PLPPR1: variants seen among roughly 807,000 people sequenced by gnomAD.
PLPPR1 encodes the protein phospholipid phosphatase related 1.
PLPPR1 carries 10 observed loss-of-function variants against 33.1 expected under a neutral mutation model. The ratio of observed to expected loss-of-function variants is 0.30; its 90% CI spans 0.19 to 0.51. PLPPR1 has a LOEUF of 0.51. Ranked by LOEUF, PLPPR1 falls within the 20% of genes least tolerant of loss-of-function variation. The pLI is 0.97. For missense variants in PLPPR1, 304 were observed against 408.1 expected (o/e 0.74, Z 2.20); for synonymous variants, 151 against 151.0 (o/e 1.00, Z 0.00).
intron 3 of PLPPR1, among the ~76,000 whole-genome samples, chr9:101,276,365 T>A (rs1828196814): frequency 1.3e-5 from 2 of 152,174 alleles, no homozygotes; most frequent in Admixed American, 6.5e-5. Flanking sequence ...ATTTTCTCAT[T>A]TTCTGTCCAT....
At chr9:101,189,964 T>G (rs958665135) in intron 2 of PLPPR1, among the ~76,000 whole-genome samples, 1 of 152,120 alleles carries the variant, frequency 6.6e-6, no homozygotes, top group African/African-American at 2.4e-5. Flanking sequence ...ATATTTGTGG[T>G]TTTTGTTTAG....
At chr9:101,259,671 G>A (rs1253317384) in intron 2 of PLPPR1, among the ~76,000 whole-genome samples, 1 of 152,122 alleles carries the variant, frequency 6.6e-6, no homozygotes, top group Non-Finnish European at 1.5e-5. Context: ...TGTGCCCTAG[G>A]TGGTCAGGAC....
intron 1 of PLPPR1, among the ~76,000 whole-genome samples, chr9:101,058,277 T>C (rs1830302444): frequency 6.6e-6 from 1 of 150,886 alleles, no homozygotes; most frequent in Non-Finnish European, 1.5e-5. Flanking sequence ...ACAAGTACCA[T>C]GTGATGATGA....
At chr9:101,252,945 C>T (rs1225045430) in intron 2 of PLPPR1, among the ~76,000 whole-genome samples, 1 of 151,870 alleles carries the variant, frequency 6.6e-6, no homozygotes, top group Non-Finnish European at 1.5e-5. Flanking sequence ...TTTTTCATTA[C>T]CTAAGTCCCT....
chr9:101,109,405 A>T (rs1033537444), intron 1 of PLPPR1, among the ~76,000 whole-genome samples: 1 of 152,086 alleles, frequency 6.6e-6, no homozygotes, highest in Admixed American at 6.5e-5. Flanking sequence ...GGCGTAGTTG[A>T]TGCATTTAAA....
rs766404145 is a variant in PLPPR1 at position 101,185,481 on chromosome 9, A to G, written c.-14A>G. 4 of 1,579,314 alleles carry G rather than the reference A, an allele frequency of 2.5e-6. No individual in the cohort carries two copies. The highest frequency in any genetic ancestry group is 1.7e-5 in the Admixed American group (1 of 59,246). On this transcript the variant is annotated 5_prime_UTR_variant, in exon 2 of 8. Transcript: ENST00000374874. The stretch of plus-strand genomic sequence containing the variant: ...CAGTTTTTGACGGTGCAGTCTTGCT[A>G]TATGGTGTGAGAAATGGCTGTAGGA...
intron 3 of PLPPR1, among the ~76,000 whole-genome samples, chr9:101,283,431 A>T (rs1020812810): frequency 5.9e-5 from 9 of 152,252 alleles, no homozygotes; most frequent in Non-Finnish European, 1.3e-4. Context: ...CCATTAATAA[A>T]TTGTGTTAGG....
intron 1 of PLPPR1, among the ~76,000 whole-genome samples, chr9:101,123,413 A>G (rs1021316427): frequency 1.3e-5 from 2 of 152,142 alleles, no homozygotes; most frequent in African/African-American, 4.8e-5. Flanking sequence ...ACAGGATAGT[A>G]GGGAGCCCAT....
Position 101,221,882 on chromosome 9 carries a change from C to T in PLPPR1, c.63+36325C>T, listed in dbSNP as rs780571294. On this transcript the variant is annotated intron_variant, in intron 2 of 7. Transcript: ENST00000374874. ...ACTTGAATAAGACAGAACTCAAAGC[C>T]TTTTCTCTTTTTCTGAGGATTAAAT... Among the ~76,000 whole-genome samples, 186 of 152,234 alleles carry T rather than the reference C, an allele frequency of 1.2e-3. 4 individuals carry two copies. The Middle Eastern group carries it at 0.014, about 11-fold the overall frequency.
In PLPPR1 at chr9:101,269,874, T is replaced by C; in HGVS notation, c.64-6T>C. On this transcript the variant is annotated splice_polypyrimidine_tract_variant and splice_region_variant and intron_variant, in intron 2 of 7. Coordinates refer to ENST00000374874, the MANE Select transcript of PLPPR1 (RefSeq NM_207299.2). ...ATGTCTCTGTGTGGCCATGCTGTAT[T>C]TTCAGCTTGTCATCATGGCTGGGAC... The C allele has an allele frequency of 6.2e-7, 1 of 1,613,870 alleles. No homozygotes were observed. Among genetic ancestry groups the C allele is most frequent in the Non-Finnish European group, 8.5e-7 (1 of 1,179,982 alleles).
rs1173943375 is a variant in PLPPR1, at chr9:101,180,181, CACACATATAT to C, written c.-45-5261_-45-5252del. Among the ~76,000 whole-genome samples, 100 of 143,792 alleles carry C rather than the reference CACACATATAT, an allele frequency of 7.0e-4. 1 individual carries two copies. The highest frequency in any genetic ancestry group is 2.4e-3 in the African/African-American group (95 of 39,390). 94.3% of individuals were successfully genotyped at this position (143,792 alleles called of 152,430 possible). The stretch of plus-strand genomic sequence containing the variant: ...ACACACATACACACACACACAGACA[CACACATATAT>C]ACACATACACACACATATATATACA... On this transcript the variant is annotated intron_variant, in intron 1 of 7. Transcript: ENST00000374874.
chr9:101,205,531 T>C (rs1826573004), intron 2 of PLPPR1, among the ~76,000 whole-genome samples: 1 of 152,198 alleles, frequency 6.6e-6, no homozygotes, highest in Non-Finnish European at 1.5e-5. Context: ...GTCGTTGTTA[T>C]TTGGGGACAT....
At chr9:101,228,556 G>C (rs1448204908) in intron 2 of PLPPR1, among the ~76,000 whole-genome samples, 1 of 152,096 alleles carries the variant, frequency 6.6e-6, no homozygotes, top group African/African-American at 2.4e-5. Flanking sequence ...AAGGAATTAA[G>C]TATAGAGGGT....
intron 1 of PLPPR1, among the ~76,000 whole-genome samples, chr9:101,068,480 C>G (rs899644936): frequency 6.6e-6 from 1 of 151,710 alleles, no homozygotes; most frequent in Admixed American, 6.6e-5. Flanking sequence ...TATTTTTTTT[C>G]TCAAGTCTTG....
chr9:101,148,781 C>G (rs569979227), intron 1 of PLPPR1, among the ~76,000 whole-genome samples: 111 of 152,218 alleles, frequency 7.3e-4, no homozygotes, highest in African/African-American at 2.6e-3. Context: ...CCCACCTTAC[C>G]TTCTAGTACT....
At chr9:101,051,261 C>G (rs1289289785) in intron 1 of PLPPR1, among the ~76,000 whole-genome samples, 1 of 151,786 alleles carries the variant, frequency 6.6e-6, no homozygotes, top group Admixed American at 6.6e-5. Flanking sequence ...ACTACTACTA[C>G]TACTACTACT....
chr9:101,144,827 A>G (rs529346501), intron 1 of PLPPR1, among the ~76,000 whole-genome samples: 1 of 152,278 alleles, frequency 6.6e-6, no homozygotes, highest in Non-Finnish European at 1.5e-5. Context: ...AAACTGGTCT[A>G]TGTCCAATTT....
At chr9:101,246,061 T>TTC in intron 2 of PLPPR1, among the ~76,000 whole-genome samples, 2 of 12,872 alleles carry the variant, frequency 1.6e-4, no homozygotes, top group Non-Finnish European at 4.3e-4. Flanking sequence ...TATGAATATA[T>TTC]ATATATATAT....
At chr9:101,290,252 A>G (rs913932285) in intron 4 of PLPPR1, among the ~76,000 whole-genome samples, 3 of 152,242 alleles carry the variant, frequency 2.0e-5, no homozygotes, top group Non-Finnish European at 2.9e-5. Context: ...AGCTACCAAA[A>G]TACATACTAC....
Sources: allele counts gnomAD v4.1 joint callset (sites outside exome capture counted in the v4.1 genomes callset), GRCh38; gene constraint gnomAD v4.1.1; transcripts MANE v1.5; gene names NCBI Gene and HGNC (gene_info 2026-07-23, HGNC 2026-07-21).